Variants in MTHFSD observed in about 807,000 individuals in gnomAD.
MTHFSD encodes methenyltetrahydrofolate synthetase domain containing, also known as methenyltetrahydrofolate synthase domain-containing protein.
Under a neutral mutation model 31.1 loss-of-function variants are expected in MTHFSD, and 37 were observed. That is an observed-to-expected ratio of 1.19 (90% confidence interval 0.91 to 1.56). MTHFSD has a LOEUF of 1.56. Ranked by LOEUF, MTHFSD falls within the 40% of genes most tolerant of loss-of-function variation. The pLI is 0.00. For synonymous variants in MTHFSD, 221 were observed against 206.9 expected (o/e 1.07, Z -0.59); for missense variants, 664 against 510.1 (o/e 1.30, Z -2.91).
rs1969924618 is a variant in MTHFSD at position 86,530,748 on chromosome 16, T to C, written c.*1263A>G. On this transcript the variant is annotated 3_prime_UTR_variant, in exon 8 of 8. Transcript: ENST00000360900. ...ACTGAGTCAGCCTCTGACGCTGAGC[T>C]GAATGCCCAATGACAAACGTGACCA... 6.6e-6 allele frequency: 1 copy of C among 152,236 alleles called. No homozygotes were observed. The highest frequency in any genetic ancestry group is 2.4e-5 in the African/African-American group (1 of 41,446). The allele number at this position is 152,236 out of a possible 1,614,324, so 9.4% of individuals were successfully genotyped here. A position where few individuals can be genotyped will look rare whatever the true frequency, so the allele number is the denominator to read the frequency against.
At chr16:86,548,122 G>T (rs1375574026) in intron 4 of MTHFSD, 2 of 1,297,338 alleles carry the variant, frequency 1.5e-6, no homozygotes, top group East Asian at 1.1e-4. Flanking sequence ...CTGATGAACA[G>T]GCCGGGAATA....
chr16:86,554,837 C>A, intron 1 of MTHFSD, 86 bp from the exon 2 acceptor site: 2 of 1,232,738 alleles, frequency 1.6e-6, no homozygotes, highest in Non-Finnish European at 2.3e-6. Context: ...AAGCGACCCC[C>A]GCGTGTAGGT....
At chr16:86,541,869 C>A in intron 6 of MTHFSD, 47 bp from the exon 7 acceptor site, 2 of 1,608,448 alleles carry the variant, frequency 1.2e-6, no homozygotes, top group South Asian at 2.2e-5. Flanking sequence ...AATGCCACTG[C>A]AGTCGTGCAC....
Position 86,541,268 on chromosome 16 carries a change from T to C in MTHFSD, c.681+429A>G, listed in dbSNP as rs570351088. 3.3e-6 allele frequency: 4 copies of C among 1,200,484 alleles called. No homozygotes were observed. In the East Asian group the frequency reaches 2.3e-4, roughly 68 times the overall value. 74.4% of individuals were successfully genotyped at this position (1,200,484 alleles called of 1,614,324 possible). On this transcript the variant is annotated intron_variant, in intron 7 of 7. Transcript: ENST00000360900. ...TACTGCCTCCTACTCAGGCTAGATC[T>C]GCTTGAAGATCCAGATCGTCAGTAA...
At position 86,552,076 on chromosome 16, in the gene MTHFSD, T is replaced by C. The variant is rs1394004678; in HGVS notation, c.194A>G (p.Asp65Gly). Reference protein sequence around the residue: ...VFARTQEVKVDPDKPLEGVRL... With the variant: ...VFARTQEVKVGPDKPLEGVRL... ...AACGCCTTCCAGTGGTTTATCAGGG[T>C]CCACTTTAACTTCCTGTGTTCTGGC... The change falls in exon 3 of 8, where the codon GAC becomes GGC. Residue 65 changes from aspartate to glycine, a missense_variant. Transcript: ENST00000360900. 1 of 1,614,044 alleles carries C rather than the reference T, an allele frequency of 6.2e-7. No individual in the cohort carries two copies. Among genetic ancestry groups the C allele is most frequent in the Non-Finnish European group, 8.5e-7 (1 of 1,180,048 alleles).
intron 7 of MTHFSD, chr16:86,533,844 C>T (rs1347254677): frequency 6.6e-6 from 1 of 152,204 alleles, no homozygotes; most frequent in African/African-American, 2.4e-5. Flanking sequence ...TAAGAACAGC[C>T]AAGTGCATTC....
At position 86,548,563 on chromosome 16, in the gene MTHFSD, C is replaced by A; in HGVS notation, c.252G>T (p.Leu84Phe). Residue 84 changes from leucine to phenylalanine, a missense_variant, in exon 4 of 8, where the codon TTG becomes TTT. Physicochemically the swap from Leu to Phe is conservative, Grantham distance 22. Transcript: ENST00000360900. The stretch of plus-strand genomic sequence containing the variant: ...TTCTCAGTCGTGGTGTTGGAACCAA[C>A]AATGTTTTTTTGCTCTTTTAAAGAA... The part of the protein sequence containing the change: ...RLLVLQSKKT[L>F]LVPTPRLRTG... 8 of 1,609,888 alleles carry A rather than the reference C, an allele frequency of 5.0e-6. No individual in the cohort carries two copies. The highest frequency in any genetic ancestry group is 6.8e-6 in the Non-Finnish European group (8 of 1,178,832).
At position 86,532,120 on chromosome 16, in the gene MTHFSD, T is replaced by G. The variant is rs762625748; in HGVS notation, c.1043A>C (p.His348Pro). The change falls in exon 8 of 8, where the codon CAT (histidine) becomes CCT (proline). Residue 348 changes from histidine to proline, a missense_variant. Transcript: ENST00000360900. ...WQGPRRRAFL[H>P]YPDSAAAQQA... ...CTGGGCTGCGGCAGAGTCCGGGTAA[T>G]GGAGGAAGGCTCTGCGCCGCGGGCC... 1 of 1,547,214 alleles carries G rather than the reference T, an allele frequency of 6.5e-7. No individual in the cohort carries two copies. The highest frequency in any genetic ancestry group is 1.4e-5 in the African/African-American group (1 of 72,628).
At position 86,532,124 on chromosome 16, in the gene MTHFSD, G is replaced by C. The variant is rs1413964726; in HGVS notation, c.1039C>G (p.Leu347Val). ...GCTGCGGCAGAGTCCGGGTAATGGA[G>C]GAAGGCTCTGCGCCGCGGGCCCTGC... ...TWQGPRRRAF[L>V]HYPDSAAAQQ... Residue 347 changes from leucine (L) to valine (V), a missense_variant, in exon 8 of 8, where the codon CTC becomes GTC. Physicochemically the swap from Leu to Val is conservative, Grantham distance 32. Transcript: ENST00000360900. 3 of 1,552,050 alleles carry C rather than the reference G, an allele frequency of 1.9e-6. No individual in the cohort carries two copies. The highest frequency in any genetic ancestry group is 2.6e-6 in the Non-Finnish European group (3 of 1,148,828).
intron 2 of MTHFSD, among the ~76,000 whole-genome samples, chr16:86,554,225 T>C (rs1236650653): frequency 6.6e-6 from 1 of 152,182 alleles, no homozygotes; most frequent in Non-Finnish European, 1.5e-5. Context: ...TCTGCTAAGG[T>C]CTGCAGCTTC....
rs930197036 is a variant in MTHFSD, at chr16:86,552,119, T to C, written c.151A>G (p.Lys51Glu). The change falls in exon 3 of 8, where the codon AAA (lysine) becomes GAA (glutamate). Residue 51 changes from lysine to glutamate, a missense_variant. Lys to Glu is a moderately conservative substitution (Grantham distance 56). Transcript: ENST00000360900. Reference protein sequence around the residue: ...KGSYLACQNIKDLDVFARTQE... With the variant: ...KGSYLACQNIEDLDVFARTQE... ...GTTCTGGCAAAAACGTCTAGGTCTT[T>C]GATGTTTTGGCAAGCCAGATAAGAC... is the stretch of plus-strand genomic sequence containing the variant. The C allele has an allele frequency of 1.5e-5, 24 of 1,614,160 alleles. No individual in the cohort carries two copies. The highest frequency in any genetic ancestry group is 2.0e-5 in the Non-Finnish European group (24 of 1,180,036).
chr16:86,554,556 C>A, intron 2 of MTHFSD, 89 bp downstream of exon 2: 2 of 1,030,496 alleles, frequency 1.9e-6, no homozygotes, highest in Admixed American at 1.8e-5. Flanking sequence ...TCTCATCCAC[C>A]ATGACGCAGT....
At chr16:86,554,523 C>G (rs942063338) in intron 2 of MTHFSD, 122 bp downstream of exon 2, 2 of 796,710 alleles carry the variant, frequency 2.5e-6, no homozygotes, top group Non-Finnish European at 4.2e-6. Context: ...TGATTTCACA[C>G]CACTGCTCAC....
chr16:86,541,825 G>T lies in MTHFSD; in HGVS notation c.556-3C>A, dbSNP rs888912392. ...AGCTCTTCAGGGATGTCCACGACCT[G>T]GGGGAAGAGAGGAGGGATAAAGGGG... On this transcript the variant is annotated splice_region_variant and splice_polypyrimidine_tract_variant and intron_variant, in intron 6 of 7. Coordinates refer to ENST00000360900, the MANE Select transcript of MTHFSD (RefSeq NM_001159377.2). The T allele has an allele frequency of 8.1e-6, 13 of 1,613,826 alleles. No homozygotes were observed. The African/African-American group carries it at 1.1e-4, about 13-fold the overall frequency.
chr16:86,536,719 T>C (rs1391359728), intron 7 of MTHFSD, among the ~76,000 whole-genome samples: 2 of 152,270 alleles, frequency 1.3e-5, no homozygotes, highest in Non-Finnish European at 2.9e-5. Context: ...CGCTGCGAAA[T>C]GCCAGCTTCC....
intron 7 of MTHFSD, chr16:86,541,466 A>C (rs1231115738): frequency 9.2e-6 from 6 of 654,082 alleles, no homozygotes; most frequent in Non-Finnish European, 1.3e-5. Context: ...CCATCTACAG[A>C]GGCAGATTTT....
chr16:86,532,137 C>A lies in MTHFSD; in HGVS notation c.1026G>T (p.Arg342=). 1 of 1,558,726 alleles carries A rather than the reference C, an allele frequency of 6.4e-7. No homozygotes were observed. The change falls in exon 8 of 8, where the codon CGG becomes CGT. Residue 342 remains arginine, a synonymous_variant. Transcript: ENST00000360900. ...VPLRLTWQGP[R]RRAFLHYPDS... ...CCGGGTAATGGAGGAAGGCTCTGCG[C>A]CGCGGGCCCTGCCAGGTGAGCCGCA...
rs984923202 is a variant in MTHFSD, at chr16:86,535,540, G to C, written c.682-3059C>G. Reference sequence around the variant, plus strand: ...TCTGGCATGTGAAGTGAAAAATTATGCTTGTTACTCAAACATGAGAAAACA... The same window carrying C: ...TCTGGCATGTGAAGTGAAAAATTATCCTTGTTACTCAAACATGAGAAAACA... On this transcript the variant is annotated intron_variant, in intron 7 of 7. Transcript: ENST00000360900. The C allele has an allele frequency of 5.1e-6, 5 of 983,502 alleles. No homozygotes were observed. The African/African-American group carries it at 8.8e-5, about 17-fold the overall frequency. The allele number at this position is 983,502 out of a possible 1,614,324, so 60.9% of individuals were successfully genotyped here.
intron 4 of MTHFSD, chr16:86,547,572 C>A (rs1204358541): frequency 1.0e-6 from 1 of 988,128 alleles, no homozygotes; most frequent in Admixed American, 6.1e-5. Flanking sequence ...TGACCAACTG[C>A]AAAGGAAGAG....
Sources: allele counts gnomAD v4.1 joint callset (sites outside exome capture counted in the v4.1 genomes callset), GRCh38; gene constraint gnomAD v4.1.1; transcripts MANE v1.5; gene names NCBI Gene and HGNC (gene_info 2026-07-23, HGNC 2026-07-21).